The following SCN3A variants were observed in gnomAD, a reference collection of about 807,000 sequenced individuals.
The protein encoded by SCN3A is sodium voltage-gated channel alpha subunit 3, also known as sodium channel protein type 3 subunit alpha.
Under a neutral mutation model 187.6 loss-of-function variants are expected in SCN3A, and 60 were observed. The observed-to-expected ratio is 0.32, with a 90% CI of 0.26 to 0.40. SCN3A has a LOEUF of 0.40. Ranked by LOEUF, SCN3A falls within the 10% of genes least tolerant of loss-of-function variation. The pLI is 1.00. For synonymous variants in SCN3A, 788 were observed against 829.2 expected (o/e 0.95, Z 0.85); for missense variants, 1,601 against 2,428.2 (o/e 0.66, Z 7.16).
intron 11 of SCN3A, among the ~76,000 whole-genome samples, chr2:165,147,827 G>T (rs1165410540): frequency 6.6e-6 from 1 of 152,080 alleles, no homozygotes; most frequent in Non-Finnish European, 1.5e-5. Context: ...AACACAGTCA[G>T]CTCTGAGGTG....
chr2:165,093,257 T>C (rs1013737857), intron 26 of SCN3A: 2 of 152,210 alleles, frequency 1.3e-5, no homozygotes, highest in Non-Finnish European at 2.9e-5. Context: ...TTTTGGTTTA[T>C]ACCTTATTTC....
At chr2:165,167,899 G>A (rs1450577595) in intron 5 of SCN3A, among the ~76,000 whole-genome samples, 5 of 152,188 alleles carry the variant, frequency 3.3e-5, no homozygotes, top group South Asian at 2.1e-4. Flanking sequence ...AACAACTAAT[G>A]TGCTTAGACC....
Position 165,162,339 on chromosome 2 carries a change from G to C in SCN3A, c.1000C>G (p.Pro334Ala), listed in dbSNP as rs1170404015. The C allele has an allele frequency of 1.9e-6, 3 of 1,612,884 alleles. No homozygotes were observed. The highest frequency in any genetic ancestry group is 1.1e-5 in the South Asian group (1 of 90,928). The stretch of plus-strand genomic sequence containing the variant: ...TCTGAGCCATTTCCACAGAGTAAAG[G>C]GTCTTTTTGCCCATCCAAAACATAA... ...HFYVLDGQKD[P>A]LLCGNGSDAG... The change falls in exon 9 of 28, where the codon CCT (proline) becomes GCT (alanine). Residue 334 changes from proline to alanine, a missense_variant. Pro to Ala is a conservative substitution (Grantham distance 27, BLOSUM62 -1). This residue lies in a region of SCN3A where 104 missense variants were observed against 102.7 expected (regional missense o/e 1.01). Coordinates refer to ENST00000283254, the MANE Select transcript of SCN3A (RefSeq NM_006922.4).
At chr2:165,134,968 C>T (rs1221384067) in intron 15 of SCN3A, among the ~76,000 whole-genome samples, 1 of 151,968 alleles carries the variant, frequency 6.6e-6, no homozygotes, top group Non-Finnish European at 1.5e-5. Context: ...GTAATCCCGC[C>T]ATAAAACTTT....
intron 6 of SCN3A, chr2:165,163,971 A>G (rs1358053837): frequency 1.5e-6 from 2 of 1,305,136 alleles, no homozygotes; most frequent in African/African-American, 2.9e-5. Context: ...GGTTTGGCAC[A>G]TAGAGCCCTG....
At chr2:165,137,486 A>G (rs1189804069) in intron 15 of SCN3A, among the ~76,000 whole-genome samples, 1 of 152,034 alleles carries the variant, frequency 6.6e-6, no homozygotes, top group African/African-American at 2.4e-5. Context: ...TCTTTTTTTC[A>G]TATACATCAA....
chr2:165,135,791 C>T (rs990333239), intron 15 of SCN3A, among the ~76,000 whole-genome samples: 1 of 152,058 alleles, frequency 6.6e-6, no homozygotes, highest in Non-Finnish European at 1.5e-5. Context: ...CCAATAGAGA[C>T]AGTCAGTTTA....
chr2:165,098,314 C>T (rs765108021), intron 22 of SCN3A, among the ~76,000 whole-genome samples: 1 of 152,106 alleles, frequency 6.6e-6, no homozygotes, highest in Non-Finnish European at 1.5e-5. Context: ...TAATCTAGTT[C>T]ATATTGGACC....
rs1484020994 is a variant in SCN3A, at chr2:165,118,678, C to T, written c.3394-3103G>A. 2.6e-5 allele frequency among the ~76,000 whole-genome samples: 4 copies of T among 152,254 alleles called. No individual in the cohort carries two copies. In the East Asian group the frequency reaches 7.8e-4, roughly 30 times the overall value. ...CATGGCTCACTGTATCCTCAACATC[C>T]CAGACGCAACTGATTCTCCCATCTC... is the stretch of plus-strand genomic sequence containing the variant. On this transcript the variant is annotated intron_variant, in intron 18 of 27. Coordinates refer to ENST00000283254, the MANE Select transcript of SCN3A (RefSeq NM_006922.4).
intron 9 of SCN3A, among the ~76,000 whole-genome samples, chr2:165,162,053 T>G (rs773935783): frequency 6.6e-6 from 1 of 152,084 alleles, no homozygotes; most frequent in East Asian, 1.9e-4. Flanking sequence ...CCTTCACACA[T>G]TGGAGCATCA....
At chr2:165,147,286 G>C (rs952692748) in intron 11 of SCN3A, among the ~76,000 whole-genome samples, 5 of 84,522 alleles carry the variant, frequency 5.9e-5, no homozygotes, top group East Asian at 2.4e-4. Flanking sequence ...TTTTTTTTGG[G>C]GGGGGGGGGT....
At chr2:165,116,155 A>G (rs1317036706) in intron 18 of SCN3A, among the ~76,000 whole-genome samples, 2 of 152,134 alleles carry the variant, frequency 1.3e-5, no homozygotes, top group African/African-American at 4.8e-5. Context: ...TTTTCTTCTT[A>G]TTTTACTAGA....
At position 165,104,476 on chromosome 2, in the gene SCN3A, G is replaced by A. The variant is rs116628268; in HGVS notation, c.3844-4052C>T. Among the ~76,000 whole-genome samples the A allele has an allele frequency of 8.2e-3, 1,239 of 151,450 alleles. 13 individuals are homozygous for A. The highest frequency in any genetic ancestry group is 0.022 in the African/African-American group (917 of 41,354). On this transcript the variant is annotated intron_variant, in intron 21 of 27. Transcript: ENST00000283254. ...ACACCTTACACCAAATTAAATTTCA[G>A]GTTGGTCAAAAATTGAAACATAAAA...
At chr2:165,128,388 G>A (rs1369976965) in intron 17 of SCN3A, among the ~76,000 whole-genome samples, 1 of 152,044 alleles carries the variant, frequency 6.6e-6, no homozygotes, top group Non-Finnish European at 1.5e-5. Context: ...AGGTTTGCCA[G>A]TGCAAAGACA....
intron 8 of SCN3A, 47 bp from the exon 9 acceptor site, chr2:165,162,418 C>A: frequency 1.3e-6 from 2 of 1,594,548 alleles, no homozygotes; most frequent in South Asian, 1.1e-5. Flanking sequence ...TAATCCTATT[C>A]ACATTAGTAT....
At chr2:165,117,480 TTACA>T (rs1336465371) in intron 18 of SCN3A, among the ~76,000 whole-genome samples, 4 of 152,078 alleles carry the variant, frequency 2.6e-5, no homozygotes, top group South Asian at 4.1e-4. Context: ...ATGTACATAT[TTACA>T]TACATCTATA....
chr2:165,176,091 T>TAAA, intron 3 of SCN3A, 40 bp downstream of exon 3: 5 of 1,594,404 alleles, frequency 3.1e-6, no homozygotes, highest in African/African-American at 2.7e-5. Context: ...AGTTAAGAGT[T>TAAA]TCATTAAAGA....
chr2:165,145,363 G>A (rs1386037237), intron 12 of SCN3A, among the ~76,000 whole-genome samples: 1 of 151,914 alleles, frequency 6.6e-6, no homozygotes, highest in Admixed American at 6.6e-5. Flanking sequence ...AGAGCTTCAA[G>A]TTAATTCCAA....
At chr2:165,128,422 C>T (rs1052625651) in intron 17 of SCN3A, among the ~76,000 whole-genome samples, 12 of 149,398 alleles carry the variant, frequency 8.0e-5, no homozygotes, top group Admixed American at 2.7e-4. Flanking sequence ...AAGGATTCTG[C>T]CAACGAGAGA....
Sources: gnomAD v4.1 joint callset for allele counts (sites outside exome capture counted in the v4.1 genomes callset) on GRCh38, gnomAD v4.1.1 for gene constraint, gnomAD v4.1.1 regional missense constraint, MANE v1.5 for transcripts, NCBI Gene and HGNC (gene_info 2026-07-23, HGNC 2026-07-21) for gene names.